Variants in IL1RL2 observed in about 807,000 individuals in gnomAD.
The protein encoded by IL1RL2 is interleukin-1 receptor-like 2.
A neutral mutation model predicts 66.8 loss-of-function variants in IL1RL2; 68 were observed. That is an observed-to-expected ratio of 1.02 (90% CI 0.84 to 1.25). The LOEUF (loss-of-function observed/expected upper bound fraction) is 1.25, where lower values mean the gene tolerates loss of function less well. Ranked by LOEUF, IL1RL2 falls within the 50% of genes most tolerant of loss-of-function variation. IL1RL2 has a pLI of 0.00. For synonymous variants in IL1RL2, 305 were observed against 264.6 expected, an observed-to-expected ratio of 1.15 and a Z score of -1.48; for missense variants, 729 against 709.3, an observed-to-expected ratio of 1.03 and a Z score of -0.32.
At chr2:102,218,436 G>T (rs1041745974) in intron 6 of IL1RL2, among the ~76,000 whole-genome samples, 3 of 151,968 alleles carry the variant, frequency 2.0e-5, no homozygotes, top group African/African-American at 7.3e-5. Flanking sequence ...AAAGGGTGGG[G>T]GTTACATTTG....
Position 102,229,711 on chromosome 2 carries a change from A to G in IL1RL2, c.1136-3252A>G, listed in dbSNP as rs577584216. 6.6e-5 allele frequency among the ~76,000 whole-genome samples: 10 copies of G among 152,368 alleles called. No homozygotes were observed. In the East Asian group the frequency reaches 1.9e-3, roughly 29 times the overall value. On this transcript the variant is annotated intron_variant, in intron 9 of 11. Transcript: ENST00000264257. ...TGATGAAAAGTCACTACGTTTTGAG[A>G]ACATCAGCAAGTTCTATTTCTACTC...
chr2:102,224,800 T>C (rs1031221351), intron 8 of IL1RL2, among the ~76,000 whole-genome samples: 1 of 152,208 alleles, frequency 6.6e-6, no homozygotes, highest in Non-Finnish European at 1.5e-5. Context: ...GATTTGATCA[T>C]TACACATTGT....
In IL1RL2 at chr2:102,201,564, C is replaced by G; in HGVS notation, c.498C>G (p.Asn166Lys). Residue 166 changes from asparagine (N) to lysine (K), a missense_variant, in exon 5 of 12, where the codon AAC becomes AAG. By Grantham distance (94) the Asn-to-Lys change is moderately conservative (BLOSUM62 0). Coordinates refer to ENST00000264257, the MANE Select transcript of IL1RL2 (RefSeq NM_003854.4). Reference sequence around the variant, plus strand: ...GTTTTTATTTGTATTAGGACTGTAACGAGATTAAAGGGGAGCGGTTCACTG... The same window carrying G: ...GTTTTTATTTGTATTAGGACTGTAAGGAGATTAAAGGGGAGCGGTTCACTG... The part of the protein sequence containing the change: ...LGPIKWYKDC[N>K]EIKGERFTVL... The G allele has an allele frequency of 6.2e-7, 1 of 1,613,764 alleles. No individual in the cohort carries two copies. The highest frequency in any genetic ancestry group is 8.5e-7 in the Non-Finnish European group (1 of 1,179,848).
rs1018603896 is a variant in IL1RL2 at position 102,201,772 on chromosome 2, G to A, written c.649+57G>A. 5 of 1,547,400 alleles carry A rather than the reference G, an allele frequency of 3.2e-6. No individual in the cohort carries two copies. In the African/African-American group the frequency reaches 6.8e-5, roughly 21 times the overall value. ...TATTCTCTTGGCTTTGTGTGAACTG[G>A]CTTCTGGCTTTGGGTTTTGGGCTTT... On this transcript the variant is annotated intron_variant, in intron 5 of 11. Transcript: ENST00000264257.
chr2:102,239,219 A>C lies in IL1RL2; in HGVS notation c.1706A>C (p.Lys569Thr). The change falls in exon 12 of 12, where the codon AAG (lysine) becomes ACG (threonine). Residue 569 changes from lysine (K) to threonine (T), a missense_variant. Transcript: ENST00000264257. ...AGPELGSRRK[K>T]CTLTTG ...CCAGAACTAGGCTCAAGAAGAAAGA[A>C]GTGTACTCTCACGACTGGCTAAGAC... 1.2e-6 allele frequency: 2 copies of C among 1,614,108 alleles called. No homozygotes were observed. The highest frequency in any genetic ancestry group is 1.7e-6 in the Non-Finnish European group (2 of 1,179,934).
At chr2:102,207,756 G>A (rs1688825816) in intron 5 of IL1RL2, among the ~76,000 whole-genome samples, 1 of 152,176 alleles carries the variant, frequency 6.6e-6, no homozygotes, top group Non-Finnish European at 1.5e-5. Flanking sequence ...GAATACTGAG[G>A]TATATTGCAT....
At chr2:102,226,494 A>G (rs1297177258) in intron 9 of IL1RL2, among the ~76,000 whole-genome samples, 1 of 152,132 alleles carries the variant, frequency 6.6e-6, no homozygotes, top group Non-Finnish European at 1.5e-5. Context: ...GCCTGAAGGG[A>G]TTTAAGTCTT....
At chr2:102,187,474 C>T (rs1686783998) in intron 1 of IL1RL2, 1 of 881,272 alleles carries the variant, frequency 1.1e-6, no homozygotes, top group Admixed American at 4.1e-5. Flanking sequence ...GTTGGGGTCC[C>T]ACGTCTGGAA....
chr2:102,205,658 T>C (rs74597567), intron 5 of IL1RL2, among the ~76,000 whole-genome samples: 42,620 of 152,122 alleles, frequency 0.28, 6,598 homozygotes, highest in East Asian at 0.38. Context: ...GCTTTTAGAA[T>C]CCTTTCTTTA....
chr2:102,235,072 CG>C lies in IL1RL2; in HGVS notation c.1474del (p.Glu492ArgfsTer33). 6.2e-7 allele frequency: 1 copy of C among 1,614,158 alleles called. No homozygotes were observed. Among genetic ancestry groups the C allele is most frequent in the African/African-American group, 1.3e-5 (1 of 75,028 alleles). ...KVILIELEKI[E>X]DYTVMPESIQ... ...TTATTCTCATTGAGCTGGAGAAAAT[CG>C]AGGACTACACAGTCATGCCAGAGTC... On this transcript the variant is annotated frameshift_variant, in exon 11 of 12. Coordinates refer to ENST00000264257, the MANE Select transcript of IL1RL2 (RefSeq NM_003854.4). LOFTEE classifies it high-confidence loss of function.
chr2:102,220,095 T>C, intron 8 of IL1RL2, 78 bp downstream of exon 8: 3 of 1,321,748 alleles, frequency 2.3e-6, no homozygotes, highest in African/African-American at 1.4e-5. Context: ...GAGCAGTGAC[T>C]CTAAATGCTC....
intron 4 of IL1RL2, among the ~76,000 whole-genome samples, chr2:102,194,753 GA>G (rs992375763): frequency 2.0e-5 from 3 of 152,020 alleles, no homozygotes; most frequent in African/African-American, 7.3e-5. Flanking sequence ...GCTTGCTTGT[GA>G]AAATTTTTTT....
At chr2:102,207,808 A>G (rs1203723828) in intron 5 of IL1RL2, among the ~76,000 whole-genome samples, 1 of 152,148 alleles carries the variant, frequency 6.6e-6, no homozygotes, top group Non-Finnish European at 1.5e-5. Context: ...ACTAGGACTC[A>G]CCTAAGAGTT....
rs1029323143 is a variant in IL1RL2, at chr2:102,187,052, C to G, written c.-47C>G. ...GTGTCCCTGTCATATTTTCCACTCT[C>G]CACGAGGTCCTGCGCGCTTCAATCC... On this transcript the variant is annotated 5_prime_UTR_variant, in exon 1 of 12. Coordinates refer to ENST00000264257, the MANE Select transcript of IL1RL2 (RefSeq NM_003854.4). 3.9e-6 allele frequency: 5 copies of G among 1,289,766 alleles called. No individual in the cohort carries two copies. In the African/African-American group the frequency reaches 7.6e-5, roughly 20 times the overall value. The allele number at this position is 1,289,766 out of a possible 1,614,324, so 79.9% of individuals were successfully genotyped here.
intron 5 of IL1RL2, among the ~76,000 whole-genome samples, chr2:102,205,095 A>T (rs1688595225): frequency 6.6e-6 from 1 of 152,110 alleles, no homozygotes; most frequent in African/African-American, 2.4e-5. Context: ...CCGGATAACA[A>T]CTTAATATTG....
intron 10 of IL1RL2, among the ~76,000 whole-genome samples, chr2:102,234,506 A>C (rs1379534790): frequency 6.6e-6 from 1 of 152,168 alleles, no homozygotes; most frequent in Non-Finnish European, 1.5e-5. Flanking sequence ...TTTAAAGTCC[A>C]TTTTTGGCCA....
Position 102,187,930 on chromosome 2 carries a change from G to T in IL1RL2, c.58+5G>T. The T allele has an allele frequency of 6.2e-7, 1 of 1,613,640 alleles. No individual in the cohort carries two copies. Among genetic ancestry groups the T allele is most frequent in the South Asian group, 1.1e-5 (1 of 91,072 alleles). ...TTCCACTGTCTGTCACAGCAGGTACGTTCCGTGTGTCCTCCGTTCCCAGAG... is the reference window on the plus strand; with the variant it reads ...TTCCACTGTCTGTCACAGCAGGTACTTTCCGTGTGTCCTCCGTTCCCAGAG... On this transcript the variant is annotated splice_donor_5th_base_variant and intron_variant, in intron 2 of 11. Transcript: ENST00000264257.
chr2:102,198,961 C>T (rs1688011201), intron 4 of IL1RL2, among the ~76,000 whole-genome samples: 1 of 152,130 alleles, frequency 6.6e-6, no homozygotes, highest in South Asian at 2.1e-4. Context: ...ATGGTTAGAT[C>T]TATTTTTTAA....
At chr2:102,191,554 A>G (rs1687234098) in intron 3 of IL1RL2, among the ~76,000 whole-genome samples, 1 of 152,164 alleles carries the variant, frequency 6.6e-6, no homozygotes, top group Non-Finnish European at 1.5e-5. Flanking sequence ...GTAAGCAATT[A>G]TTTTGTATTA....
Sources: gnomAD v4.1 joint callset for allele counts (sites outside exome capture counted in the v4.1 genomes callset) on GRCh38, gnomAD v4.1.1 for gene constraint, MANE v1.5 for transcripts, NCBI Gene and HGNC (gene_info 2026-07-23, HGNC 2026-07-21) for gene names.